FRAS1: variants seen among roughly 807,000 people sequenced by gnomAD.
FRAS1 encodes Fraser extracellular matrix complex subunit 1.
FRAS1 carries 290 observed loss-of-function variants against 435.2 expected under a neutral mutation model. The ratio of observed to expected loss-of-function variants is 0.67; its 90% CI spans 0.61 to 0.73. The LOEUF (loss-of-function observed/expected upper bound fraction) is 0.73. FRAS1 is among the 30% of genes least tolerant of loss of function. The pLI is 0.00. For synonymous variants in FRAS1, 1,800 were observed against 1,851.0 expected (o/e 0.97, Z 0.71); for missense variants, 4,860 against 5,001.5 (o/e 0.97, Z 0.85).
chr4:78,151,361 A>G (rs1720654404), intron 2 of FRAS1, among the ~76,000 whole-genome samples: 1 of 141,422 alleles, frequency 7.1e-6, no homozygotes, highest in Admixed American at 6.7e-5. Flanking sequence ...TGTGCCAGTC[A>G]TGGTTCTTGG....
At chr4:78,078,141 A>G (rs1740741842) in intron 2 of FRAS1, among the ~76,000 whole-genome samples, 1 of 152,120 alleles carries the variant, frequency 6.6e-6, no homozygotes, top group African/African-American at 2.4e-5. Flanking sequence ...ACAGTTCTAT[A>G]CTATTATTCA....
chr4:78,267,341 T>A lies in FRAS1; in HGVS notation c.890T>A (p.Met297Lys). ...YDGVVRYQDE[M>K]WKGSACEFCM... ...GGAGTTGTGCGGTACCAGGACGAAA[T>A]GTGGAAGGGCTCGGCCTGTGAGTTC... is the stretch of plus-strand genomic sequence containing the variant. The change falls in exon 9 of 74, where the codon ATG becomes AAG. Residue 297 changes from methionine to lysine, a missense_variant. Met to Lys is a moderately conservative substitution (Grantham distance 95). Transcript: ENST00000512123. 1 of 1,613,792 alleles carries A rather than the reference T, an allele frequency of 6.2e-7. No homozygotes were observed. Among genetic ancestry groups the A allele is most frequent in the Non-Finnish European group, 8.5e-7 (1 of 1,179,842 alleles).
chr4:78,525,995 T>A (rs891018865), intron 69 of FRAS1, among the ~76,000 whole-genome samples: 5 of 152,184 alleles, frequency 3.3e-5, no homozygotes, highest in African/African-American at 7.2e-5. Context: ...TGAGTGTGAG[T>A]GAAACGGGTG....
intron 9 of FRAS1, among the ~76,000 whole-genome samples, chr4:78,273,218 G>A (rs937793649): frequency 2.6e-5 from 4 of 152,204 alleles, no homozygotes; most frequent in African/African-American, 9.7e-5. Flanking sequence ...TTTGGGCTGA[G>A]ACGATGGGGT....
chr4:78,359,693 A>C (rs1004713139), intron 20 of FRAS1, among the ~76,000 whole-genome samples: 3 of 152,190 alleles, frequency 2.0e-5, no homozygotes, highest in Admixed American at 1.3e-4. Context: ...GGTAGTGAAC[A>C]AAAAGAGTTA....
rs375403592 is a variant in FRAS1, at chr4:78,479,487, G to A, written c.8212G>A (p.Ala2738Thr). The change falls in exon 56 of 74, where the codon GCC becomes ACC. Residue 2738 changes from alanine to threonine, a missense_variant. Physicochemically the swap from Ala to Thr is moderately conservative, Grantham distance 58 (BLOSUM62 0). Coordinates refer to ENST00000512123, the MANE Select transcript of FRAS1 (RefSeq NM_025074.7). ...GSDFKSRGMSAASRVIFGPGV... is the reference protein window; with the variant it reads ...GSDFKSRGMSTASRVIFGPGV... Reference sequence around the variant, plus strand: ...TGATTTTAAATCTAGAGGGATGTCTGCCGCGAGTCGTGTGATATTCGGGCC... The same window carrying A: ...TGATTTTAAATCTAGAGGGATGTCTACCGCGAGTCGTGTGATATTCGGGCC... The A allele has an allele frequency of 1.9e-6, 3 of 1,612,320 alleles. No homozygotes were observed. The African/African-American group carries it at 4.0e-5, about 22-fold the overall frequency.
chr4:78,345,648 C>T lies in FRAS1; in HGVS notation c.2422+7831C>T, dbSNP rs936673971. ...TTTTCTTATTTCTCATCTTGTCACC[C>T]TATCTCTTATTGCTTGAATCATGAA... On this transcript the variant is annotated intron_variant, in intron 20 of 73. Coordinates refer to ENST00000512123, the MANE Select transcript of FRAS1 (RefSeq NM_025074.7). 2.6e-5 allele frequency among the ~76,000 whole-genome samples: 4 copies of T among 151,886 alleles called. No homozygotes were observed. The East Asian group carries it at 5.8e-4, about 22-fold the overall frequency.
intron 58 of FRAS1, among the ~76,000 whole-genome samples, chr4:78,483,799 A>ATATATATATCTATATATATATAT (rs1560753038): frequency 1.5e-5 from 1 of 67,464 alleles, no homozygotes. Flanking sequence ...TATATATATA[A>ATATATATATCTATATATATATAT]AATTATGTAT....
At chr4:78,181,968 G>A (rs1433795414) in intron 2 of FRAS1, 1 of 1,588,166 alleles carries the variant, frequency 6.3e-7, no homozygotes, top group East Asian at 2.2e-5. Flanking sequence ...ACCTCGAAGG[G>A]GTCCGATTCG....
intron 2 of FRAS1, among the ~76,000 whole-genome samples, chr4:78,174,219 G>A (rs1172014363): frequency 1.3e-5 from 2 of 152,136 alleles, no homozygotes; most frequent in African/African-American, 4.8e-5. Flanking sequence ...GAAATGTGTT[G>A]GCTCATGTTC....
intron 47 of FRAS1, among the ~76,000 whole-genome samples, chr4:78,454,558 G>C (rs1719129690): frequency 2.0e-5 from 3 of 152,188 alleles, no homozygotes; most frequent in African/African-American, 7.2e-5. Context: ...TGGCTGCTGA[G>C]ATATTAGATA....
intron 2 of FRAS1, among the ~76,000 whole-genome samples, chr4:78,078,108 T>C (rs1560509893): frequency 6.6e-6 from 1 of 152,186 alleles, no homozygotes; most frequent in Admixed American, 6.5e-5. Flanking sequence ...TACTGTATAA[T>C]AGATATCTTT....
At position 78,249,322 on chromosome 4, in the gene FRAS1, CCT is replaced by C. The variant is rs1491331339; in HGVS notation, c.310-3069_310-3068del. Among the ~76,000 whole-genome samples, 9 of 96,616 alleles carry C rather than the reference CCT, an allele frequency of 9.3e-5. 1 individual carries two copies. Among genetic ancestry groups the C allele is most frequent in the African/African-American group, 3.2e-4 (9 of 28,200 alleles). The allele number at this position is 96,616 out of a possible 152,430, so 63.4% of individuals were successfully genotyped here. On this transcript the variant is annotated intron_variant, in intron 4 of 73. Coordinates refer to ENST00000512123, the MANE Select transcript of FRAS1 (RefSeq NM_025074.7). ...GTGGCTTTGACATCAAGCAGTGGAGCCTTTTTTTTTTTTTTTTTTTTTTTGAG... is the reference window on the plus strand; with the variant it reads ...GTGGCTTTGACATCAAGCAGTGGAGCTTTTTTTTTTTTTTTTTTTTTTGAG...
In FRAS1 at chr4:78,456,140, T is replaced by TTTTTTTTC. The variant is rs1170626708; in HGVS notation, c.6763+3793_6763+3794insCTTTTTTT. On this transcript the variant is annotated intron_variant, in intron 47 of 73. Transcript: ENST00000512123. ...CATTACTTGAAGAACACATGTCACT[T>TTTTTTTTC]TTTTTTTTTTTTTTTTTTTTTGAGA... 1.7e-3 allele frequency among the ~76,000 whole-genome samples: 109 copies of TTTTTTTTC among 62,682 alleles called. 5 individuals are homozygous for TTTTTTTTC. Among genetic ancestry groups the TTTTTTTTC allele is most frequent in the Non-Finnish European group, 2.8e-3 (81 of 29,154 alleles). The allele number at this position is 62,682 out of a possible 152,430, so 41.1% of individuals were successfully genotyped here.
At chr4:78,188,406 A>G (rs1722379055) in intron 2 of FRAS1, among the ~76,000 whole-genome samples, 1 of 152,136 alleles carries the variant, frequency 6.6e-6, no homozygotes. Flanking sequence ...TTACTTTTGC[A>G]TCAACCTAAT....
intron 2 of FRAS1, among the ~76,000 whole-genome samples, chr4:78,223,129 G>A (rs1194165186): frequency 2.6e-5 from 4 of 152,184 alleles, no homozygotes; most frequent in Non-Finnish European, 4.4e-5. Flanking sequence ...CTGCGGGAGT[G>A]GATTGCTTGG....
intron 2 of FRAS1, among the ~76,000 whole-genome samples, chr4:78,203,666 A>C (rs1723137233): frequency 6.6e-6 from 1 of 152,128 alleles, no homozygotes; most frequent in South Asian, 2.1e-4. Context: ...TCCTGGGTTC[A>C]AGCTATTCTC....
intron 2 of FRAS1, chr4:78,182,001 G>T (rs1162116649): frequency 2.1e-5 from 32 of 1,560,968 alleles, no homozygotes; most frequent in South Asian, 1.1e-4. Flanking sequence ...TGGTCGAATC[G>T]GTTGGTGACC....
chr4:78,175,380 C>T (rs1408346287), intron 2 of FRAS1, among the ~76,000 whole-genome samples: 1 of 152,120 alleles, frequency 6.6e-6, no homozygotes, highest in East Asian at 1.9e-4. Context: ...TCTGTGTGCC[C>T]CGGTAAGGAG....
Sources: gnomAD v4.1 joint callset for allele counts (sites outside exome capture counted in the v4.1 genomes callset) on GRCh38, gnomAD v4.1.1 for gene constraint, MANE v1.5 for transcripts, NCBI Gene and HGNC (gene_info 2026-07-23, HGNC 2026-07-21) for gene names.